Variants in FBXL7 observed in about 807,000 individuals in gnomAD.
FBXL7 encodes F-box/LRR-repeat protein 7.
Under a neutral mutation model 38.3 loss-of-function variants are expected in FBXL7, and 12 were observed. The ratio of observed to expected loss-of-function variants is 0.31; its 90% CI spans 0.20 to 0.51. The LOEUF is 0.51. Ranked by LOEUF, FBXL7 falls within the 20% of genes least tolerant of loss-of-function variation. The pLI, the probability that FBXL7 is intolerant of heterozygous loss-of-function variation, is 0.98. For missense variants in FBXL7, 567 were observed against 676.4 expected (o/e 0.84, Z 1.79); for synonymous variants, 297 against 300.9 (o/e 0.99, Z 0.13).
intron 2 of FBXL7, among the ~76,000 whole-genome samples, chr5:15,761,314 C>G (rs1224161814): frequency 6.6e-6 from 1 of 152,004 alleles, no homozygotes; most frequent in East Asian, 1.9e-4. Flanking sequence ...TATCATAATC[C>G]CGTGTTCAGG....
chr5:15,825,405 A>G, intron 2 of FBXL7, among the ~76,000 whole-genome samples: 1 of 152,218 alleles, frequency 6.6e-6, no homozygotes, highest in Non-Finnish European at 1.5e-5. Flanking sequence ...TATATGGAAT[A>G]TAAGGTCTCA....
chr5:15,725,879 A>G (rs552644762), intron 2 of FBXL7, among the ~76,000 whole-genome samples: 1 of 152,168 alleles, frequency 6.6e-6, no homozygotes, highest in South Asian at 2.1e-4. Context: ...TGTTTATTAA[A>G]TCTACTTGGT....
chr5:15,552,032 T>C (rs1054629104), intron 1 of FBXL7, among the ~76,000 whole-genome samples: 2 of 152,248 alleles, frequency 1.3e-5, no homozygotes, highest in East Asian at 3.8e-4. Context: ...TTACATTTGT[T>C]GAAGGTCTTC....
intron 1 of FBXL7, among the ~76,000 whole-genome samples, chr5:15,567,602 A>T (rs539707736): frequency 2.3e-4 from 34 of 151,026 alleles, no homozygotes; most frequent in African/African-American, 5.3e-4. Context: ...ATATATATAT[A>T]TTTTTTATTA....
intron 2 of FBXL7, among the ~76,000 whole-genome samples, chr5:15,757,949 C>T (rs958681050): frequency 6.6e-6 from 1 of 152,078 alleles, no homozygotes; most frequent in Non-Finnish European, 1.5e-5. Flanking sequence ...CCAAATGGTT[C>T]CCTTCTCTTC....
chr5:15,564,378 CTGTGTGTGTGTG>C (rs33993480), intron 1 of FBXL7, among the ~76,000 whole-genome samples: 85 of 147,496 alleles, frequency 5.8e-4, no homozygotes, highest in Non-Finnish European at 9.9e-4. Flanking sequence ...TCAGTAATAT[CTGTGTGTGTGTG>C]TGTGTGTGTG....
intron 2 of FBXL7, among the ~76,000 whole-genome samples, chr5:15,709,545 A>G (rs1320945697): frequency 1.3e-5 from 2 of 151,874 alleles, no homozygotes; most frequent in East Asian, 3.9e-4. Flanking sequence ...AAAAAAGAAA[A>G]AAAAAAAAAA....
intron 2 of FBXL7, among the ~76,000 whole-genome samples, chr5:15,891,872 G>A (rs77561631): frequency 0.029 from 4,377 of 152,296 alleles, 96 homozygotes; most frequent in South Asian, 0.058. Context: ...AGAGAGTGGC[G>A]GTGTTGGAAC....
At chr5:15,668,368 T>TTGTGTGTGTGTGTGTGTGTG (rs148728974) in intron 2 of FBXL7, among the ~76,000 whole-genome samples, 3 of 145,650 alleles carry the variant, frequency 2.1e-5, no homozygotes, top group African/African-American at 5.0e-5. Flanking sequence ...ATATTTGTGT[T>TTGTGTGTGTGTGTGTGTGTG]TGTGTGTGTG....
chr5:15,572,460 G>A lies in FBXL7; in HGVS notation c.38-43523G>A, dbSNP rs202246192. On this transcript the variant is annotated intron_variant, in intron 1 of 3. Coordinates refer to ENST00000504595, the MANE Select transcript of FBXL7 (RefSeq NM_012304.5). ...ACTTTACAGATGTGTTCCACTGGCC[G>A]AAAGGTGTACTGCCCTCAAATGTGC... 9.3e-5 allele frequency among the ~76,000 whole-genome samples: 14 copies of A among 150,230 alleles called. No homozygotes were observed. In the East Asian group the frequency reaches 2.2e-3, roughly 23 times the overall value.
chr5:15,713,652 T>G (rs1445748670), intron 2 of FBXL7, among the ~76,000 whole-genome samples: 1 of 152,220 alleles, frequency 6.6e-6, no homozygotes, highest in Non-Finnish European at 1.5e-5. Context: ...TTAGTAAAAC[T>G]TTTAGATGAT....
At chr5:15,813,373 A>G (rs896874621) in intron 2 of FBXL7, among the ~76,000 whole-genome samples, 1 of 152,240 alleles carries the variant, frequency 6.6e-6, no homozygotes, top group African/African-American at 2.4e-5. Flanking sequence ...GACTAGCCAT[A>G]TGCAGAAAAC....
chr5:15,791,976 C>A (rs1561128154), intron 2 of FBXL7, among the ~76,000 whole-genome samples: 1 of 152,132 alleles, frequency 6.6e-6, no homozygotes, highest in East Asian at 1.9e-4. Flanking sequence ...CCGTGAAAAA[C>A]ATCCATTTAA....
At chr5:15,651,088 C>CTTTTTTTTT (rs547135923) in intron 2 of FBXL7, among the ~76,000 whole-genome samples, 1 of 142,144 alleles carries the variant, frequency 7.0e-6, no homozygotes. Context: ...AAACATACTT[C>CTTTTTTTTT]TTTTTTTTTT....
intron 2 of FBXL7, among the ~76,000 whole-genome samples, chr5:15,756,560 T>C (rs923131110): frequency 6.6e-6 from 1 of 152,196 alleles, no homozygotes; most frequent in Non-Finnish European, 1.5e-5. Context: ...ATCCGGACCA[T>C]TTTTAGGATG....
chr5:15,639,250 G>A (rs1158412725), intron 2 of FBXL7, among the ~76,000 whole-genome samples: 1 of 152,136 alleles, frequency 6.6e-6, no homozygotes, highest in Non-Finnish European at 1.5e-5. Flanking sequence ...CTTAAAATCA[G>A]GCTTCTTGAT....
intron 2 of FBXL7, among the ~76,000 whole-genome samples, chr5:15,865,654 C>T (rs193053234): frequency 6.6e-6 from 1 of 152,196 alleles, no homozygotes; most frequent in Admixed American, 6.5e-5. Flanking sequence ...GTCTCTCTCT[C>T]TCTCCCCACC....
At position 15,769,833 on chromosome 5, in the gene FBXL7, A is replaced by T. The variant is rs139776846; in HGVS notation, c.127+153761A>T. On this transcript the variant is annotated intron_variant, in intron 2 of 3. Coordinates refer to ENST00000504595, the MANE Select transcript of FBXL7 (RefSeq NM_012304.5). ...TCAGTGTTATTTTCCCAGTTTTGGG[A>T]ATCTTACTATCATCATATAATATTT... 2.3e-3 allele frequency among the ~76,000 whole-genome samples: 355 copies of T among 152,152 alleles called. 3 individuals are homozygous for T. The highest frequency in any genetic ancestry group is 8.2e-3 in the African/African-American group (340 of 41,522).
intron 2 of FBXL7, among the ~76,000 whole-genome samples, chr5:15,667,548 C>T (rs541630877): frequency 1.9e-4 from 29 of 152,236 alleles, no homozygotes; most frequent in African/African-American, 5.8e-4. Context: ...TTCAAATACC[C>T]GCCTATTTTG....
Sources: gnomAD v4.1 joint callset for allele counts (sites outside exome capture counted in the v4.1 genomes callset) on GRCh38, gnomAD v4.1.1 for gene constraint, MANE v1.5 for transcripts, NCBI Gene and HGNC (gene_info 2026-07-23, HGNC 2026-07-21) for gene names.